Variants in ASZ1 observed in about 807,000 individuals in gnomAD.
The protein encoded by ASZ1 is ankyrin repeat, SAM and basic leucine zipper domain containing 1.
A neutral mutation model predicts 61.8 loss-of-function variants in ASZ1; 67 were observed. That is an observed-to-expected ratio of 1.08 (90% CI 0.89 to 1.33). ASZ1 has a LOEUF of 1.33. Ranked by LOEUF, ASZ1 falls within the 40% of genes most tolerant of loss-of-function variation. ASZ1 has a pLI of 0.00. For synonymous variants in ASZ1, 193 were observed against 192.7 expected (o/e 1.00, Z -0.01); for missense variants, 577 against 554.5 (o/e 1.04, Z -0.41).
At position 117,390,804 on chromosome 7, in the gene ASZ1, A is replaced by G. The variant is rs140587022; in HGVS notation, c.441-4995T>C. On this transcript the variant is annotated intron_variant, in intron 4 of 12. Transcript: ENST00000284629. ...CTGCAACCTCTGCCTCCTGGGTTCA[A>G]GCGATTCTCCTGCCTCAGCCTCCTG... is the stretch of plus-strand genomic sequence containing the variant. 4.5e-3 allele frequency among the ~76,000 whole-genome samples: 688 copies of G among 152,200 alleles called. 5 individuals carry two copies. The highest frequency in any genetic ancestry group is 0.015 in the African/African-American group (635 of 41,518).
At chr7:117,413,081 G>A (rs549031353) in intron 4 of ASZ1, among the ~76,000 whole-genome samples, 1 of 151,210 alleles carries the variant, frequency 6.6e-6, no homozygotes, top group East Asian at 1.9e-4. Flanking sequence ...ATAATTTAGG[G>A]AACAAGACAG....
intron 4 of ASZ1, among the ~76,000 whole-genome samples, chr7:117,392,191 C>A (rs1796483462): frequency 1.3e-5 from 2 of 152,158 alleles, no homozygotes; most frequent in South Asian, 2.1e-4. Flanking sequence ...TTGGGCAGTA[C>A]AGATATTTTA....
At chr7:117,399,265 TACAAA>T (rs1161089598) in intron 4 of ASZ1, among the ~76,000 whole-genome samples, 3 of 151,870 alleles carry the variant, frequency 2.0e-5, no homozygotes, top group African/African-American at 7.3e-5. Flanking sequence ...GCTAAAAAAA[TACAAA>T]ACAAAACAAA....
chr7:117,368,746 G>A (rs772428013), intron 10 of ASZ1, 29 bp from the exon 11 acceptor site: 2 of 1,605,968 alleles, frequency 1.2e-6, no homozygotes, highest in Non-Finnish European at 1.7e-6. Flanking sequence ...CAAACAAGCA[G>A]GAATTACTAA....
chr7:117,382,921 CTACAATAAAATA>C (rs1334767520), intron 7 of ASZ1, 53 bp downstream of exon 7: 1 of 1,392,052 alleles, frequency 7.2e-7, no homozygotes, highest in Non-Finnish European at 9.5e-7. Flanking sequence ...ACCACATTTA[CTACAATAAAATA>C]TACACAAATT....
chr7:117,406,629 T>C (rs1159155445), intron 4 of ASZ1, among the ~76,000 whole-genome samples: 1 of 152,054 alleles, frequency 6.6e-6, no homozygotes. Flanking sequence ...GGTCCATGCC[T>C]ATAATCCCAG....
At chr7:117,390,174 T>TG (rs200394132) in intron 4 of ASZ1, among the ~76,000 whole-genome samples, 48 of 106,194 alleles carry the variant, frequency 4.5e-4, no homozygotes, top group Non-Finnish European at 5.7e-4. Context: ...TTTGTAACAG[T>TG]GGGGGTTTTT....
intron 10 of ASZ1, among the ~76,000 whole-genome samples, chr7:117,370,654 A>G (rs1796032062): frequency 6.6e-6 from 1 of 152,204 alleles, no homozygotes; most frequent in Non-Finnish European, 1.5e-5. Context: ...TAACCATAAG[A>G]TGCCACATTC....
intron 10 of ASZ1, among the ~76,000 whole-genome samples, chr7:117,370,590 T>G (rs926258527): frequency 1.3e-5 from 2 of 151,830 alleles, no homozygotes; most frequent in African/African-American, 4.8e-5. Context: ...AACAGAGAAT[T>G]CAGAGAAAAA....
intron 4 of ASZ1, among the ~76,000 whole-genome samples, chr7:117,412,524 T>C (rs749892707): frequency 6.6e-6 from 1 of 151,906 alleles, no homozygotes; most frequent in Non-Finnish European, 1.5e-5. Flanking sequence ...TCTGAGAAAG[T>C]AGGCAACATT....
intron 4 of ASZ1, among the ~76,000 whole-genome samples, chr7:117,406,977 A>G (rs1456118618): frequency 6.6e-6 from 1 of 152,130 alleles, no homozygotes; most frequent in African/African-American, 2.4e-5. Context: ...CTACAGAAAG[A>G]TAGAAAATGG....
intron 2 of ASZ1, 23 bp downstream of exon 2, chr7:117,426,813 T>G (rs1452638840): frequency 1.3e-6 from 2 of 1,570,560 alleles, no homozygotes; most frequent in Admixed American, 2.0e-5. Flanking sequence ...TGTGTTCAGA[T>G]GAAACTGTCC....
intron 4 of ASZ1, among the ~76,000 whole-genome samples, chr7:117,419,507 T>G (rs1797059913): frequency 6.6e-6 from 1 of 152,186 alleles, no homozygotes. Context: ...ACATTTTTGT[T>G]AGATGGGCTA....
At chr7:117,399,013 G>A (rs1300799728) in intron 4 of ASZ1, among the ~76,000 whole-genome samples, 1 of 152,132 alleles carries the variant, frequency 6.6e-6, no homozygotes, top group African/African-American at 2.4e-5. Context: ...AGGATCATGT[G>A]AGCCCAGGAG....
chr7:117,413,507 T>A (rs1400917288), intron 4 of ASZ1, among the ~76,000 whole-genome samples: 2 of 152,054 alleles, frequency 1.3e-5, no homozygotes, highest in African/African-American at 4.8e-5. Context: ...TAAATTTCCA[T>A]ATTTGCCAGA....
intron 4 of ASZ1, among the ~76,000 whole-genome samples, chr7:117,397,210 C>CGAACG (rs1426953714): frequency 2.5e-4 from 37 of 150,504 alleles, no homozygotes; most frequent in Non-Finnish European, 4.4e-4. Flanking sequence ...ACTCTGTCTC[C>CGAACG]GAACTGAACC....
At chr7:117,388,148 A>T (rs1226547809) in intron 4 of ASZ1, among the ~76,000 whole-genome samples, 3 of 152,174 alleles carry the variant, frequency 2.0e-5, no homozygotes, top group Non-Finnish European at 4.4e-5. Context: ...TTAAAAACTT[A>T]ATTAGTAATT....
intron 4 of ASZ1, among the ~76,000 whole-genome samples, chr7:117,418,848 C>A (rs1465741335): frequency 1.3e-5 from 2 of 151,648 alleles, no homozygotes; most frequent in African/African-American, 4.9e-5. Context: ...GTAGTCCCAG[C>A]TACTCTGGAG....
intron 10 of ASZ1, 67 bp from the exon 11 acceptor site, chr7:117,368,784 G>A: frequency 6.3e-7 from 1 of 1,588,568 alleles, no homozygotes; most frequent in African/African-American, 1.4e-5. Context: ...ATTCTACTAG[G>A]CAAGTTACTG....
Sources: gnomAD v4.1 joint callset for allele counts (sites outside exome capture counted in the v4.1 genomes callset) on GRCh38, gnomAD v4.1.1 for gene constraint, MANE v1.5 for transcripts, NCBI Gene and HGNC (gene_info 2026-07-23, HGNC 2026-07-21) for gene names.